The following GABRG3 variants were observed in gnomAD, a reference collection of about 807,000 sequenced individuals.
GABRG3 encodes the protein gamma-aminobutyric acid type A receptor subunit gamma3.
A neutral mutation model predicts 48.8 loss-of-function variants in GABRG3; 25 were observed. That is an observed-to-expected ratio of 0.51 (90% CI 0.37 to 0.72). GABRG3 has a LOEUF of 0.72. GABRG3 is among the 30% of genes least tolerant of loss of function. GABRG3 has a pLI of 0.00. For missense variants in GABRG3, 394 were observed against 577.9 expected (o/e 0.68, Z 3.26); for synonymous variants, 227 against 217.6 (o/e 1.04, Z -0.38).
intron 3 of GABRG3, among the ~76,000 whole-genome samples, chr15:27,216,743 T>TATTA (rs1555410282): frequency 5.0e-5 from 5 of 100,170 alleles, no homozygotes; most frequent in Non-Finnish European, 1.0e-4. Flanking sequence ...CTTTTTTTTT[T>TATTA]TTTATTTTTT....
intron 3 of GABRG3, among the ~76,000 whole-genome samples, chr15:27,102,178 G>T (rs1416967178): frequency 6.6e-6 from 1 of 152,178 alleles, no homozygotes; most frequent in Non-Finnish European, 1.5e-5. Flanking sequence ...TTACACACAT[G>T]GGCTGCTGCC....
rs186007829 is a variant in GABRG3 at position 27,346,688 on chromosome 15, C to T, written c.574+17800C>T. 2.0e-5 allele frequency among the ~76,000 whole-genome samples: 3 copies of T among 151,958 alleles called. No homozygotes were observed. The East Asian group carries it at 5.8e-4, about 29-fold the overall frequency. On this transcript the variant is annotated intron_variant, in intron 5 of 9. Coordinates refer to ENST00000615808, the MANE Select transcript of GABRG3 (RefSeq NM_033223.5). ...AGTTTAACTGACCTATTTTTATGCT[C>T]AATGTTCTTTCCTTGGCTGTGTCAA...
chr15:27,423,277 CCA>C (rs1215065027), intron 5 of GABRG3, among the ~76,000 whole-genome samples: 3 of 145,468 alleles, frequency 2.1e-5, no homozygotes, highest in Non-Finnish European at 4.5e-5. Flanking sequence ...CTCTAGAGAG[CCA>C]AATTCCCAAG....
chr15:27,377,855 C>T (rs114813434), intron 5 of GABRG3, among the ~76,000 whole-genome samples: 262 of 152,244 alleles, frequency 1.7e-3, no homozygotes, highest in African/African-American at 5.8e-3. Flanking sequence ...CCTGGTTTTT[C>T]GTGTCTTATT....
intron 2 of GABRG3, among the ~76,000 whole-genome samples, chr15:26,995,867 A>G (rs1895331267): frequency 6.6e-6 from 1 of 151,998 alleles, no homozygotes; most frequent in African/African-American, 2.4e-5. Context: ...TCTTTTTTAT[A>G]TGCACCATTT....
intron 3 of GABRG3, among the ~76,000 whole-genome samples, chr15:27,225,238 C>T (rs2140443360): frequency 6.6e-6 from 1 of 152,224 alleles, no homozygotes; most frequent in African/African-American, 2.4e-5. Context: ...AAGCTGTCTT[C>T]CCTTGTCCTT....
Position 27,466,290 on chromosome 15 carries a change from C to G in GABRG3, c.575-14360C>G, listed in dbSNP as rs569883190. ...TCTTAATCTCTAGAGCCTCCTACCC[C>G]CAACAGTGGTAAATTTGTAACTGAT... is the stretch of plus-strand genomic sequence containing the variant. On this transcript the variant is annotated intron_variant, in intron 5 of 9. Coordinates refer to ENST00000615808, the MANE Select transcript of GABRG3 (RefSeq NM_033223.5). 1.1e-4 allele frequency among the ~76,000 whole-genome samples: 17 copies of G among 152,278 alleles called. No homozygotes were observed. The East Asian group carries it at 2.9e-3, about 26-fold the overall frequency.
Position 27,095,554 on chromosome 15 carries a change from A to G in GABRG3, c.270+68733A>G, listed in dbSNP as rs942246162. On this transcript the variant is annotated intron_variant, in intron 3 of 9. Coordinates refer to ENST00000615808, the MANE Select transcript of GABRG3 (RefSeq NM_033223.5). ...GTGGCGTTACACGTGGTTGTCCCTCATAATTTAATTATTTGTAAAGCTGTC... is the reference window on the plus strand; with the variant it reads ...GTGGCGTTACACGTGGTTGTCCCTCGTAATTTAATTATTTGTAAAGCTGTC... Among the ~76,000 whole-genome samples the G allele has an allele frequency of 5.9e-5, 9 of 152,264 alleles. No individual in the cohort carries two copies. The East Asian group carries it at 1.4e-3, about 23-fold the overall frequency.
intron 2 of GABRG3, among the ~76,000 whole-genome samples, chr15:26,983,753 G>C (rs1488523179): frequency 2.0e-5 from 3 of 152,200 alleles, no homozygotes; most frequent in African/African-American, 7.2e-5. Flanking sequence ...CAGCCTGGTA[G>C]ATGGTGCAAG....
At chr15:27,373,752 T>C (rs1356412931) in intron 5 of GABRG3, among the ~76,000 whole-genome samples, 1 of 152,178 alleles carries the variant, frequency 6.6e-6, no homozygotes, top group Non-Finnish European at 1.5e-5. Flanking sequence ...GTAAGTTTTC[T>C]CTCCGGATGA....
chr15:27,400,787 A>C (rs1324079562), intron 5 of GABRG3, among the ~76,000 whole-genome samples: 2 of 152,192 alleles, frequency 1.3e-5, no homozygotes, highest in African/African-American at 4.8e-5. Flanking sequence ...TTTCACTGGT[A>C]TTGTCATCAT....
intron 3 of GABRG3, among the ~76,000 whole-genome samples, chr15:27,092,427 A>G (rs762418201): frequency 2.6e-5 from 4 of 151,968 alleles, no homozygotes; most frequent in Non-Finnish European, 4.4e-5. Flanking sequence ...CTCCTCTCCC[A>G]CTGTCTGAGA....
intron 5 of GABRG3, among the ~76,000 whole-genome samples, chr15:27,439,076 A>C (rs1277490139): frequency 6.6e-6 from 1 of 152,158 alleles, no homozygotes; most frequent in Non-Finnish European, 1.5e-5. Context: ...TTTGCTGTTA[A>C]CTTTCTCCTC....
intron 3 of GABRG3, among the ~76,000 whole-genome samples, chr15:27,087,826 TGG>T: frequency 6.6e-6 from 1 of 151,632 alleles, no homozygotes; most frequent in African/African-American, 2.4e-5. Flanking sequence ...TGATTATGTG[TGG>T]TGTGTGTGCA....
intron 3 of GABRG3, among the ~76,000 whole-genome samples, chr15:27,250,464 C>T (rs59774431): frequency 0.11 from 17,334 of 152,184 alleles, 1,135 homozygotes; most frequent in African/African-American, 0.16. Flanking sequence ...AGGAGTCTCC[C>T]TCTGTTGTCC....
Position 27,179,056 on chromosome 15 carries a change from G to C in GABRG3, c.271-147753G>C, listed in dbSNP as rs1265641476. ...CTGAGAGGAGAGCAGGAGAAGGTCA[G>C]AGGAAAACTTTTCTTTTTGGGGCCT... On this transcript the variant is annotated intron_variant, in intron 3 of 9. Transcript: ENST00000615808. The surrounding 1 kb of genome is among the most constrained non-coding windows in gnomAD (Gnocchi z 4.0). 1.3e-5 allele frequency among the ~76,000 whole-genome samples: 2 copies of C among 152,152 alleles called. No homozygotes were observed. The highest frequency in any genetic ancestry group is 3.9e-4 in the East Asian group (2 of 5,192).
At chr15:27,222,794 G>A (rs867253017) in intron 3 of GABRG3, among the ~76,000 whole-genome samples, 1 of 152,162 alleles carries the variant, frequency 6.6e-6, no homozygotes, top group Non-Finnish European at 1.5e-5. Context: ...GTTCCCGGGA[G>A]ACCACTGGCT....
intron 5 of GABRG3, among the ~76,000 whole-genome samples, chr15:27,336,976 T>C (rs930548791): frequency 2.0e-5 from 3 of 152,156 alleles, no homozygotes; most frequent in African/African-American, 7.2e-5. Flanking sequence ...AGAGCTAAGG[T>C]GGAGTTGTTA....
chr15:27,478,888 A>G (rs1440811846), intron 5 of GABRG3, among the ~76,000 whole-genome samples: 2 of 152,190 alleles, frequency 1.3e-5, no homozygotes, highest in Non-Finnish European at 2.9e-5. Flanking sequence ...GAAATAAGCT[A>G]TTTACAGAAG....
Sources: gnomAD v4.1 joint callset for allele counts (sites outside exome capture counted in the v4.1 genomes callset) on GRCh38, gnomAD v4.1.1 for gene constraint, Gnocchi (gnomAD v3.1) non-coding constraint, MANE v1.5 for transcripts, NCBI Gene and HGNC (gene_info 2026-07-23, HGNC 2026-07-21) for gene names.